ADGRL3: variants seen among roughly 807,000 people sequenced by gnomAD.
ADGRL3 encodes the protein calcium-independent alpha-latrotoxin receptor 3.
ADGRL3 carries 62 observed loss-of-function variants against 153.5 expected under a neutral mutation model. That is an observed-to-expected ratio of 0.40 (90% CI 0.33 to 0.50). The LOEUF is 0.50. ADGRL3 is among the 20% of genes least tolerant of loss of function. The pLI, the probability that ADGRL3 is intolerant of heterozygous loss-of-function variation, is 0.47. For synonymous variants in ADGRL3, 710 were observed against 672.5 expected (o/e 1.06, Z -0.86); for missense variants, 1,641 against 1,859.4 (o/e 0.88, Z 2.16).
chr4:61,690,084 C>T (rs529593938), intron 6 of ADGRL3, among the ~76,000 whole-genome samples: 1 of 152,136 alleles, frequency 6.6e-6, no homozygotes, highest in African/African-American at 2.4e-5. Flanking sequence ...CTTTTCTGGG[C>T]GTAGTTTTTA....
intron 17 of ADGRL3, among the ~76,000 whole-genome samples, chr4:61,952,889 TG>T (rs2098952772): frequency 6.6e-6 from 1 of 152,226 alleles, no homozygotes; most frequent in African/African-American, 2.4e-5. Context: ...CAGTCATGAC[TG>T]TGACCACTAT....
intron 25 of ADGRL3, among the ~76,000 whole-genome samples, chr4:62,055,944 A>G (rs1736772819): frequency 6.6e-6 from 1 of 151,680 alleles, no homozygotes; most frequent in African/African-American, 2.4e-5. Flanking sequence ...TAATACAAGA[A>G]TATGAAAATA....
chr4:61,398,981 C>A (rs1296480107), intron 2 of ADGRL3, among the ~76,000 whole-genome samples: 1 of 151,554 alleles, frequency 6.6e-6, no homozygotes, highest in Non-Finnish European at 1.5e-5. Flanking sequence ...TGTCTAACTG[C>A]AAAGAAAAGA....
intron 3 of ADGRL3, among the ~76,000 whole-genome samples, chr4:61,512,168 T>C (rs2098466918): frequency 6.6e-6 from 1 of 152,142 alleles, no homozygotes; most frequent in African/African-American, 2.4e-5. Context: ...GACATTTCAG[T>C]AGCAATCAGC....
intron 1 of ADGRL3, among the ~76,000 whole-genome samples, chr4:61,244,768 A>C (rs1032899196): frequency 3.9e-5 from 6 of 152,170 alleles, no homozygotes; most frequent in African/African-American, 1.4e-4. Context: ...GGGTCAGAGA[A>C]GTAGACAAAT....
chr4:61,498,865 A>G (rs570617058), intron 3 of ADGRL3, among the ~76,000 whole-genome samples: 1 of 152,294 alleles, frequency 6.6e-6, no homozygotes, highest in East Asian at 1.9e-4. Flanking sequence ...TTCCTCTTAC[A>G]CAATTTAATG....
At chr4:61,275,533 T>C (rs2093419272) in intron 1 of ADGRL3, among the ~76,000 whole-genome samples, 1 of 152,178 alleles carries the variant, frequency 6.6e-6, no homozygotes, top group African/African-American at 2.4e-5. Context: ...GGTTTTTCTG[T>C]TTTTCCCCAG....
chr4:61,962,692 T>C (rs1410243445), intron 17 of ADGRL3, among the ~76,000 whole-genome samples: 1 of 152,226 alleles, frequency 6.6e-6, no homozygotes, highest in African/African-American at 2.4e-5. Context: ...ACTATCAATT[T>C]AGTCATTTGT....
chr4:61,669,510 A>G (rs888112613), intron 5 of ADGRL3, among the ~76,000 whole-genome samples: 2 of 152,172 alleles, frequency 1.3e-5, no homozygotes, highest in African/African-American at 4.8e-5. Context: ...GTGATCACCT[A>G]AACTATTTTG....
At chr4:61,878,798 A>G (rs924410279) in intron 9 of ADGRL3, among the ~76,000 whole-genome samples, 4 of 152,180 alleles carry the variant, frequency 2.6e-5, no homozygotes, top group African/African-American at 4.8e-5. Context: ...TTTGGTCTGC[A>G]GAGTCTTACA....
chr4:61,855,093 T>A (rs2098248136), intron 9 of ADGRL3, among the ~76,000 whole-genome samples: 1 of 152,024 alleles, frequency 6.6e-6, no homozygotes, highest in Admixed American at 6.5e-5. Flanking sequence ...AAAAAAGACA[T>A]GAGGAAAAAT....
rs995199263 is a variant in ADGRL3, at chr4:61,579,436, G to A, written c.260-7791G>A. 2.1e-5 allele frequency: 5 copies of A among 236,514 alleles called. No homozygotes were observed. The South Asian group carries it at 2.1e-4, about 10-fold the overall frequency. 14.7% of individuals were successfully genotyped at this position (236,514 alleles called of 1,614,324 possible). ...TTAGAAATGTTATTTCTCGTGAATT[G>A]GAAGACAATGTGGAAAGTGATTTCT... On this transcript the variant is annotated intron_variant, in intron 4 of 26. Transcript: ENST00000683033.
intron 19 of ADGRL3, among the ~76,000 whole-genome samples, chr4:61,986,312 A>T (rs2099085409): frequency 6.6e-6 from 1 of 152,136 alleles, no homozygotes; most frequent in East Asian, 1.9e-4. Flanking sequence ...TTTTTCTTTT[A>T]CATCAATTTT....
chr4:62,019,973 A>C (rs2099230317), intron 21 of ADGRL3, among the ~76,000 whole-genome samples: 1 of 152,160 alleles, frequency 6.6e-6, no homozygotes, highest in African/African-American at 2.4e-5. Context: ...TTCCAAAATT[A>C]AATAAACCTT....
chr4:61,772,037 T>C (rs1335679871), intron 8 of ADGRL3, among the ~76,000 whole-genome samples: 2 of 152,204 alleles, frequency 1.3e-5, no homozygotes, highest in Non-Finnish European at 2.9e-5. Context: ...ACAGTCTGTG[T>C]GCCCTGACAG....
chr4:61,995,148 C>T (rs1175318184), intron 19 of ADGRL3, among the ~76,000 whole-genome samples: 2 of 151,726 alleles, frequency 1.3e-5, no homozygotes, highest in Non-Finnish European at 2.9e-5. Flanking sequence ...TAGTGAATCA[C>T]CCTCCTTGGC....
chr4:61,644,598 G>A (rs2093869515), intron 5 of ADGRL3, among the ~76,000 whole-genome samples: 1 of 152,186 alleles, frequency 6.6e-6, no homozygotes, highest in Non-Finnish European at 1.5e-5. Flanking sequence ...GAGCGGTTTT[G>A]CGTGAGATTC....
intron 9 of ADGRL3, among the ~76,000 whole-genome samples, chr4:61,854,442 C>T (rs2098240880): frequency 1.3e-5 from 2 of 152,006 alleles, no homozygotes; most frequent in Non-Finnish European, 2.9e-5. Context: ...AGCAGTCAAA[C>T]TAAAAGATCT....
intron 1 of ADGRL3, among the ~76,000 whole-genome samples, chr4:61,353,842 T>A (rs2096107134): frequency 6.6e-6 from 1 of 151,932 alleles, no homozygotes; most frequent in African/African-American, 2.4e-5. Context: ...TGGGCATAAA[T>A]ATGTGTGTTA....
Sources: gnomAD v4.1 joint callset for allele counts (sites outside exome capture counted in the v4.1 genomes callset) on GRCh38, gnomAD v4.1.1 for gene constraint, MANE v1.5 for transcripts, NCBI Gene and HGNC (gene_info 2026-07-23, HGNC 2026-07-21) for gene names.